PHF14: variants seen among roughly 807,000 people sequenced by gnomAD.
PHF14 encodes the protein PHD finger protein 14.
A neutral mutation model predicts 117.9 loss-of-function variants in PHF14; 55 were observed. The ratio of observed to expected loss-of-function variants is 0.47; its 90% CI spans 0.38 to 0.58. The LOEUF (loss-of-function observed/expected upper bound fraction) is 0.58. Among genes scored for constraint, PHF14 ranks in the 20% least tolerant of loss-of-function variants. The probability of loss-of-function intolerance (pLI) is 0.00; values close to 1 mark genes in which losing one functional copy is unlikely to be tolerated. For synonymous variants in PHF14, 409 were observed against 368.6 expected, an observed-to-expected ratio of 1.11 and a Z score of -1.26; for missense variants, 978 against 1,122.2, an observed-to-expected ratio of 0.87 and a Z score of 1.84.
rs1049871100 is a variant in PHF14, at chr7:11,130,764, C to T, written c.2772+19297C>T. 2.6e-5 allele frequency among the ~76,000 whole-genome samples: 4 copies of T among 151,810 alleles called. No individual in the cohort carries two copies. Among genetic ancestry groups the T allele is most frequent in the African/African-American group, 9.7e-5 (4 of 41,372 alleles). On this transcript the variant is annotated intron_variant, in intron 17 of 17. Coordinates refer to ENST00000634607, the MANE Select transcript of PHF14 (RefSeq NM_001007157.2). This position sits in a 1 kb window ranked among gnomAD's most constrained non-coding sequence, Gnocchi z 4.2. ...GACAGTTGTAATAATGACACATGTC[C>T]ACCATTACAGTGTCATACAGAATAG... is the stretch of plus-strand genomic sequence containing the variant.
chr7:11,063,363 A>G (rs1785304934), intron 16 of PHF14: 1 of 984,036 alleles, frequency 1.0e-6, no homozygotes, highest in Non-Finnish European at 1.2e-6. Flanking sequence ...CAATATGTCG[A>G]AAATGAAATC....
At chr7:11,031,909 A>G (rs1166532212) in intron 7 of PHF14, among the ~76,000 whole-genome samples, 1 of 152,116 alleles carries the variant, frequency 6.6e-6, no homozygotes, top group East Asian at 1.9e-4. Context: ...ATTAAAGTAT[A>G]ATTTGGTGCT....
At chr7:11,061,008 T>C (rs1785206113) in intron 14 of PHF14, among the ~76,000 whole-genome samples, 1 of 152,190 alleles carries the variant, frequency 6.6e-6, no homozygotes, top group African/African-American at 2.4e-5. Context: ...AGCTTGGGAA[T>C]GTTCCTTGAT....
Position 11,037,101 on chromosome 7 carries a change from C to G in PHF14, c.1980+10C>G, listed in dbSNP as rs779351195. ...TGTAGAATATAATAAGGTAAGTTAG[C>G]TACAAAATATGCAACATAATGTGAT... is the stretch of plus-strand genomic sequence containing the variant. On this transcript the variant is annotated intron_variant, in intron 10 of 17. Transcript: ENST00000634607. 1.2e-5 allele frequency: 18 copies of G among 1,473,634 alleles called. No homozygotes were observed. Among genetic ancestry groups the G allele is most frequent in the Non-Finnish European group, 1.6e-5 (18 of 1,092,258 alleles). The allele number at this position is 1,473,634 out of a possible 1,614,324, so 91.3% of individuals were successfully genotyped here.
At chr7:11,127,127 T>G (rs1787949389) in intron 17 of PHF14, among the ~76,000 whole-genome samples, 1 of 152,038 alleles carries the variant, frequency 6.6e-6, no homozygotes, top group Non-Finnish European at 1.5e-5. Context: ...TTTTTAAATA[T>G]CAAAGTCCAG....
chr7:11,102,866 C>G (rs1787138853), intron 16 of PHF14: 2 of 1,149,756 alleles, frequency 1.7e-6, no homozygotes, highest in Non-Finnish European at 2.2e-6. Flanking sequence ...GTCTTTCCCT[C>G]TTGCTTCTTT....
intron 5 of PHF14, among the ~76,000 whole-genome samples, chr7:11,020,638 C>G (rs1783702918): frequency 6.6e-6 from 1 of 152,136 alleles, no homozygotes; most frequent in South Asian, 2.1e-4. Flanking sequence ...CTCTGCCTCC[C>G]AAAGTGCTGG....
chr7:11,019,617 T>C (rs948261097), intron 5 of PHF14, among the ~76,000 whole-genome samples: 1 of 152,184 alleles, frequency 6.6e-6, no homozygotes, highest in Non-Finnish European at 1.5e-5. Flanking sequence ...TTTATTTACT[T>C]GTATCTTCTC....
intron 2 of PHF14, among the ~76,000 whole-genome samples, chr7:10,980,665 A>G (rs1431304082): frequency 6.6e-6 from 1 of 152,184 alleles, no homozygotes; most frequent in Non-Finnish European, 1.5e-5. Context: ...GGCAAAGCCT[A>G]ACGGAACTGG....
intron 16 of PHF14, chr7:11,105,511 T>C (rs1294019266): frequency 1.0e-6 from 1 of 980,020 alleles, no homozygotes; most frequent in Non-Finnish European, 1.2e-6. Flanking sequence ...CAGAGCAGAA[T>C]ATTTACATCA....
At chr7:11,112,580 G>C (rs936593076) in intron 17 of PHF14, among the ~76,000 whole-genome samples, 2 of 151,968 alleles carry the variant, frequency 1.3e-5, no homozygotes, top group African/African-American at 2.4e-5. Context: ...GACCAGCCTG[G>C]CCAACATGGC....
At chr7:11,042,874 TA>T in intron 13 of PHF14, 60 bp downstream of exon 13, 1 of 1,111,326 alleles carries the variant, frequency 9.0e-7, no homozygotes, top group Non-Finnish European at 1.3e-6. Flanking sequence ...TTCAGCAGTA[TA>T]AGATGAAATA....
chr7:11,103,729 G>A, intron 16 of PHF14: 2 of 984,660 alleles, frequency 2.0e-6, no homozygotes, highest in African/African-American at 1.7e-5. Flanking sequence ...ATAATCAAAA[G>A]CAATTGTAAT....
At chr7:11,089,875 A>T (rs1786577296) in intron 16 of PHF14, among the ~76,000 whole-genome samples, 1 of 147,810 alleles carries the variant, frequency 6.8e-6, no homozygotes, top group African/African-American at 2.5e-5. Flanking sequence ...GCTTCAAGCG[A>T]TTCTCCTGCC....
At position 11,031,723 on chromosome 7, in the gene PHF14, A is replaced by T. The variant is rs538894340; in HGVS notation, c.1455+2905A>T. On this transcript the variant is annotated intron_variant, in intron 7 of 17. Transcript: ENST00000634607. ...GAACTATGTTCTCACCACTGCACTC[A>T]GCCTGGAGAATAGAGTGAGACCCTA... 4.2e-4 allele frequency among the ~76,000 whole-genome samples: 64 copies of T among 152,258 alleles called. 2 individuals carry two copies. The South Asian group carries it at 0.013, about 31-fold the overall frequency.
At chr7:11,051,217 T>C (rs1017661772) in intron 13 of PHF14, among the ~76,000 whole-genome samples, 6 of 152,074 alleles carry the variant, frequency 3.9e-5, no homozygotes, top group African/African-American at 1.4e-4. Context: ...ATTTTCTTTT[T>C]TTTTTTGTGA....
At chr7:10,991,072 C>A (rs1436641691) in intron 4 of PHF14, among the ~76,000 whole-genome samples, 1 of 152,134 alleles carries the variant, frequency 6.6e-6, no homozygotes, top group African/African-American at 2.4e-5. Flanking sequence ...TTCACTGCAA[C>A]CTCCACCTCC....
intron 17 of PHF14, among the ~76,000 whole-genome samples, chr7:11,149,877 T>G (rs10282681): frequency 2.4e-4 from 37 of 152,232 alleles, no homozygotes; most frequent in African/African-American, 8.7e-4. Context: ...ATTTTTATAC[T>G]TCATATCTTT....
intron 17 of PHF14, among the ~76,000 whole-genome samples, chr7:11,160,149 GT>G (rs1345509750): frequency 6.6e-6 from 1 of 152,098 alleles, no homozygotes; most frequent in Non-Finnish European, 1.5e-5. Context: ...CCACTTATGA[GT>G]AAGAACATGT....
Sources: gnomAD v4.1 joint callset for allele counts (sites outside exome capture counted in the v4.1 genomes callset) on GRCh38, gnomAD v4.1.1 for gene constraint, Gnocchi (gnomAD v3.1) non-coding constraint, MANE v1.5 for transcripts, NCBI Gene and HGNC (gene_info 2026-07-23, HGNC 2026-07-21) for gene names.